VPS13D: variants seen among roughly 807,000 people sequenced by gnomAD.
VPS13D encodes vacuolar protein sorting 13 homolog D.
In VPS13D, 187 loss-of-function variants were observed where a neutral mutation model predicts 461.9. The ratio of observed to expected loss-of-function variants is 0.40; its 90% CI spans 0.36 to 0.46. The LOEUF (loss-of-function observed/expected upper bound fraction) is 0.46. VPS13D is among the 20% of genes least tolerant of loss of function. The pLI, the probability that VPS13D is intolerant of heterozygous loss-of-function variation, is 0.60. For synonymous variants in VPS13D, 1,951 were observed against 1,986.3 expected (o/e 0.98, Z 0.47); for missense variants, 4,711 against 5,364.9 (o/e 0.88, Z 3.81).
At chr1:12,430,164 T>A (rs1481593783) in intron 65 of VPS13D, among the ~76,000 whole-genome samples, 3 of 152,192 alleles carry the variant, frequency 2.0e-5, no homozygotes, top group Admixed American at 2.0e-4. Flanking sequence ...TGAGCAAGGA[T>A]CATGCCAAAG....
At chr1:12,287,909 A>T (rs1408067562) in intron 21 of VPS13D, among the ~76,000 whole-genome samples, 1 of 152,230 alleles carries the variant, frequency 6.6e-6, no homozygotes, top group Non-Finnish European at 1.5e-5. Context: ...ATAGAATTGT[A>T]TAATATTAAT....
chr1:12,435,853 G>A (rs1012614922), intron 65 of VPS13D, among the ~76,000 whole-genome samples: 2 of 152,106 alleles, frequency 1.3e-5, no homozygotes, highest in Admixed American at 6.5e-5. Context: ...TGTATAATTA[G>A]CTCTTTTGTA....
chr1:12,398,556 C>T (rs1281110601), intron 60 of VPS13D, among the ~76,000 whole-genome samples: 1 of 152,046 alleles, frequency 6.6e-6, no homozygotes, highest in African/African-American at 2.4e-5. Flanking sequence ...GATGGTCTGT[C>T]CTCTTTCCTC....
intron 20 of VPS13D, among the ~76,000 whole-genome samples, chr1:12,282,084 C>T (rs1422656855): frequency 1.3e-5 from 2 of 152,074 alleles, no homozygotes; most frequent in African/African-American, 4.8e-5. Flanking sequence ...ACAAGAGTTT[C>T]ACCATGTAGC....
chr1:12,421,514 G>A (rs534226550), intron 65 of VPS13D, among the ~76,000 whole-genome samples: 1 of 152,238 alleles, frequency 6.6e-6, no homozygotes, highest in Non-Finnish European at 1.5e-5. Flanking sequence ...GCCCCCTATT[G>A]ATGAAATTTC....
intron 67 of VPS13D, among the ~76,000 whole-genome samples, chr1:12,461,750 G>A (rs1557453898): frequency 2.0e-5 from 3 of 152,162 alleles, no homozygotes; most frequent in Non-Finnish European, 4.4e-5. Flanking sequence ...CAAGGGATTG[G>A]TTGATTAAAA....
At chr1:12,407,832 T>C (rs955147897) in intron 63 of VPS13D, among the ~76,000 whole-genome samples, 6 of 152,216 alleles carry the variant, frequency 3.9e-5, no homozygotes, top group African/African-American at 1.2e-4. Flanking sequence ...TTTGCTACTT[T>C]GTGTGGTTCT....
At chr1:12,327,594 G>A in intron 35 of VPS13D, 54 bp from the exon 36 acceptor site, 1 of 1,581,820 alleles carries the variant, frequency 6.3e-7, no homozygotes, top group East Asian at 2.2e-5. Context: ...TCTGTGAGTG[G>A]CTAGGGTAGC....
intron 63 of VPS13D, among the ~76,000 whole-genome samples, chr1:12,413,232 G>A (rs1388993820): frequency 2.0e-5 from 3 of 151,700 alleles, no homozygotes; most frequent in East Asian, 1.9e-4. Flanking sequence ...GGTCAGCCAC[G>A]GTAATCCCAG....
intron 65 of VPS13D, among the ~76,000 whole-genome samples, chr1:12,425,108 C>T (rs1348231185): frequency 6.6e-6 from 1 of 152,158 alleles, no homozygotes; most frequent in African/African-American, 2.4e-5. Context: ...TCAAGACACT[C>T]ACTCTGTTTG....
At chr1:12,281,337 A>C (rs2101377838) in intron 20 of VPS13D, among the ~76,000 whole-genome samples, 1 of 152,292 alleles carries the variant, frequency 6.6e-6, no homozygotes, top group East Asian at 1.9e-4. Context: ...TTTGGGTGAT[A>C]CATTGTGTAG....
At chr1:12,479,344 A>G (rs891489571) in intron 67 of VPS13D, among the ~76,000 whole-genome samples, 1 of 152,200 alleles carries the variant, frequency 6.6e-6, no homozygotes, top group Non-Finnish European at 1.5e-5. Flanking sequence ...TGCTTTGTCC[A>G]TGGTGTCCAG....
At chr1:12,246,640 A>G (rs768644526) in intron 5 of VPS13D, among the ~76,000 whole-genome samples, 6 of 152,208 alleles carry the variant, frequency 3.9e-5, no homozygotes, top group African/African-American at 1.2e-4. Flanking sequence ...TAAACGTGCT[A>G]TAAGAAAGGA....
chr1:12,428,555 T>TC (rs1254141444), intron 65 of VPS13D, among the ~76,000 whole-genome samples: 3 of 152,168 alleles, frequency 2.0e-5, no homozygotes, highest in African/African-American at 4.8e-5. Context: ...TGTGCTGTCC[T>TC]CCCCTTGCGC....
At chr1:12,356,283 T>C (rs543396094) in intron 48 of VPS13D, 115 bp from the exon 49 acceptor site, 1 of 1,435,434 alleles carries the variant, frequency 7.0e-7, no homozygotes, top group South Asian at 1.4e-5. Context: ...CTGAGCCCAC[T>C]AAATAGATTC....
intron 51 of VPS13D, 63 bp downstream of exon 51, chr1:12,362,913 T>C (rs1353560998): frequency 1.6e-5 from 25 of 1,607,720 alleles, no homozygotes; most frequent in Non-Finnish European, 2.0e-5. Flanking sequence ...TAATGTCATC[T>C]TCTGTGAAGA....
At chr1:12,236,644 A>G (rs929463713) in intron 2 of VPS13D, among the ~76,000 whole-genome samples, 4 of 152,114 alleles carry the variant, frequency 2.6e-5, no homozygotes, top group Admixed American at 6.6e-5. Flanking sequence ...GGGCCTCCCA[A>G]AGTGCTGGGA....
chr1:12,459,169 GA>G (rs955846951), intron 66 of VPS13D, among the ~76,000 whole-genome samples: 17 of 152,120 alleles, frequency 1.1e-4, no homozygotes, highest in Admixed American at 2.0e-4. Context: ...TATTTGGGGG[GA>G]AAAAAGATTT....
intron 7 of VPS13D, among the ~76,000 whole-genome samples, chr1:12,255,888 CAAAA>C (rs35699803): frequency 3.5e-5 from 2 of 56,384 alleles, no homozygotes; most frequent in Admixed American, 2.0e-4. Flanking sequence ...AGACTCGTCT[CAAAA>C]AAAAAAAAAA....
Sources: gnomAD v4.1 joint callset for allele counts (sites outside exome capture counted in the v4.1 genomes callset) on GRCh38, gnomAD v4.1.1 for gene constraint, MANE v1.5 for transcripts, NCBI Gene and HGNC (gene_info 2026-07-23, HGNC 2026-07-21) for gene names.